Variants in HERPUD2 observed in about 807,000 individuals in gnomAD.
HERPUD2 encodes the protein homocysteine-responsive endoplasmic reticulum-resident ubiquitin-like domain member 2 protein.
A neutral mutation model predicts 49.9 loss-of-function variants in HERPUD2; 13 were observed. The observed-to-expected ratio is 0.26, with a 90% CI of 0.17 to 0.41. The LOEUF (loss-of-function observed/expected upper bound fraction) is 0.41. Among genes scored for constraint, HERPUD2 ranks in the 10% least tolerant of loss-of-function variants. The pLI, the probability that HERPUD2 is intolerant of heterozygous loss-of-function variation, is 1.00. For synonymous variants in HERPUD2, 172 were observed against 171.4 expected (o/e 1.00, Z -0.03); for missense variants, 449 against 492.2 (o/e 0.91, Z 0.83).
At chr7:35,658,030 A>G (rs1785319771) in intron 5 of HERPUD2, among the ~76,000 whole-genome samples, 1 of 152,150 alleles carries the variant, frequency 6.6e-6, no homozygotes, top group African/African-American at 2.4e-5. Context: ...AGATACCTGC[A>G]CTCCCATGTT....
At chr7:35,671,519 T>G (rs1359825974) in intron 3 of HERPUD2, among the ~76,000 whole-genome samples, 7 of 152,104 alleles carry the variant, frequency 4.6e-5, no homozygotes, top group Non-Finnish European at 7.4e-5. Flanking sequence ...AAGATGTTGA[T>G]CCTTAGAAAC....
chr7:35,652,555 G>A (rs1387098982), intron 5 of HERPUD2, among the ~76,000 whole-genome samples: 2 of 151,358 alleles, frequency 1.3e-5, no homozygotes, highest in East Asian at 1.9e-4. Context: ...GAGAGAATAG[G>A]CAGATATATT....
intron 6 of HERPUD2, among the ~76,000 whole-genome samples, chr7:35,637,270 A>G (rs1198917845): frequency 2.0e-5 from 3 of 152,190 alleles, no homozygotes; most frequent in Admixed American, 1.3e-4. Context: ...AGAAAGAGCT[A>G]TTGAAGTCAA....
At chr7:35,656,214 C>A (rs979408713) in intron 5 of HERPUD2, among the ~76,000 whole-genome samples, 7 of 150,994 alleles carry the variant, frequency 4.6e-5, no homozygotes, top group African/African-American at 1.7e-4. Flanking sequence ...GAAGACAATC[C>A]CCCTTACAAT....
At chr7:35,687,669 T>A (rs1419118013) in intron 2 of HERPUD2, among the ~76,000 whole-genome samples, 1 of 152,232 alleles carries the variant, frequency 6.6e-6, no homozygotes, top group Non-Finnish European at 1.5e-5. Flanking sequence ...ACCTGGACTT[T>A]TTTGTTGTTT....
intron 5 of HERPUD2, among the ~76,000 whole-genome samples, chr7:35,662,275 C>T (rs1469958855): frequency 2.0e-5 from 3 of 152,176 alleles, no homozygotes; most frequent in East Asian, 1.9e-4. Flanking sequence ...ATTCAGCTTG[C>T]CAGTATTTTA....
chr7:35,690,809 CAAA>C (rs201783291), intron 2 of HERPUD2, among the ~76,000 whole-genome samples: 1 of 143,668 alleles, frequency 7.0e-6, no homozygotes, highest in Non-Finnish European at 1.5e-5. Flanking sequence ...AACTCCGTCT[CAAA>C]AAAAAAAAAG....
chr7:35,659,372 C>T (rs1239813171), intron 5 of HERPUD2, among the ~76,000 whole-genome samples: 1 of 152,182 alleles, frequency 6.6e-6, no homozygotes, highest in African/African-American at 2.4e-5. Context: ...TTTTCTAGCA[C>T]CTAACACAAG....
chr7:35,692,516 C>A (rs1786215564), intron 2 of HERPUD2, among the ~76,000 whole-genome samples: 1 of 152,180 alleles, frequency 6.6e-6, no homozygotes, highest in African/African-American at 2.4e-5. Context: ...TCATATGCAA[C>A]AGGAAATCTT....
chr7:35,641,796 C>T (rs1208611964), intron 5 of HERPUD2, among the ~76,000 whole-genome samples: 1 of 152,194 alleles, frequency 6.6e-6, no homozygotes, highest in Non-Finnish European at 1.5e-5. Flanking sequence ...TTCCTTACAT[C>T]ACAGACAAAA....
chr7:35,665,336 C>G (rs1785514417), intron 5 of HERPUD2, among the ~76,000 whole-genome samples: 1 of 152,234 alleles, frequency 6.6e-6, no homozygotes, highest in Admixed American at 6.5e-5. Flanking sequence ...CCTCCCTCAG[C>G]CTTGCTGTCG....
Position 35,635,258 on chromosome 7 carries a change from T to C in HERPUD2, c.818A>G (p.Asn273Ser), listed in dbSNP as rs557626511. ...GTACATCCAGTCTAGCCAGTCTCGA[T>C]TGAAGTCTTCTTCATTTAGTACTGG... ...GGPVLNEEDF[N>S]RDWLDWMYTF... Residue 273 changes from asparagine (N) to serine (S), a missense_variant, in exon 7 of 9, where the codon AAT (asparagine) becomes AGT (serine). Physicochemically the swap from Asn to Ser is conservative, Grantham distance 46. Transcript: ENST00000311350. The C allele has an allele frequency of 1.2e-5, 19 of 1,614,160 alleles. 1 individual carries two copies. The highest frequency in any genetic ancestry group is 3.3e-5 in the South Asian group (3 of 91,090).
intron 3 of HERPUD2, among the ~76,000 whole-genome samples, chr7:35,670,580 C>T (rs376625694): frequency 6.6e-6 from 1 of 151,942 alleles, no homozygotes; most frequent in African/African-American, 2.4e-5. Flanking sequence ...ATTTTGCATA[C>T]GAAGCAGTCT....
intron 5 of HERPUD2, among the ~76,000 whole-genome samples, chr7:35,650,673 G>A: frequency 6.6e-6 from 1 of 152,150 alleles, no homozygotes; most frequent in Non-Finnish European, 1.5e-5. Flanking sequence ...TGTGAACGGT[G>A]CTACTGAGCA....
At chr7:35,685,804 C>A (rs1786026664) in intron 2 of HERPUD2, among the ~76,000 whole-genome samples, 2 of 151,876 alleles carry the variant, frequency 1.3e-5, no homozygotes, top group African/African-American at 4.8e-5. Context: ...ATGGTGGAAA[C>A]CTCATCTCTA....
intron 2 of HERPUD2, among the ~76,000 whole-genome samples, chr7:35,674,563 G>A (rs1191846160): frequency 6.6e-6 from 1 of 151,632 alleles, no homozygotes; most frequent in Non-Finnish European, 1.5e-5. Context: ...AGAAAGATGA[G>A]TATCTTTAGT....
rs1785681872 is a variant in HERPUD2, at chr7:35,673,203, T to C, written c.223A>G (p.Lys75Glu). The stretch of plus-strand genomic sequence containing the variant: ...CAAATAGTGGTAGAAAAGCTTACTT[T>C]TCTGAGAATGTCTTTCAGCTGCAGA... ...DHLQLKDILRKQDEYHMVHLV... is the reference protein window; with the variant it reads ...DHLQLKDILREQDEYHMVHLV... Residue 75 changes from lysine to glutamate, a missense_variant and splice_region_variant, in exon 3 of 9, where the codon AAA (lysine) becomes GAA (glutamate). Physicochemically the swap from Lys to Glu is moderately conservative, Grantham distance 56 (BLOSUM62 1). Coordinates refer to ENST00000311350, the MANE Select transcript of HERPUD2 (RefSeq NM_022373.5). 1 of 1,610,392 alleles carries C rather than the reference T, an allele frequency of 6.2e-7. No homozygotes were observed. Among genetic ancestry groups the C allele is most frequent in the Non-Finnish European group, 8.5e-7 (1 of 1,177,774 alleles).
intron 5 of HERPUD2, among the ~76,000 whole-genome samples, chr7:35,649,852 C>A (rs975462681): frequency 6.6e-6 from 1 of 152,062 alleles, no homozygotes; most frequent in African/African-American, 2.4e-5. Context: ...AAATGCTGGT[C>A]GGCTTTTCCT....
intron 3 of HERPUD2, among the ~76,000 whole-genome samples, chr7:35,672,903 T>C (rs1222281869): frequency 6.6e-6 from 1 of 152,078 alleles, no homozygotes. Context: ...TCACCACTAC[T>C]GAACATTCTA....
Sources: allele counts gnomAD v4.1 joint callset (sites outside exome capture counted in the v4.1 genomes callset), GRCh38; gene constraint gnomAD v4.1.1; transcripts MANE v1.5; gene names NCBI Gene and HGNC (gene_info 2026-07-23, HGNC 2026-07-21).